Variants in GFI1B observed in about 807,000 individuals in gnomAD.
The protein encoded by GFI1B is growth factor independent 1B transcriptional repressor.
A neutral mutation model predicts 35.3 loss-of-function variants in GFI1B; 20 were observed. The ratio of observed to expected loss-of-function variants is 0.57; its 90% confidence interval spans 0.40 to 0.82. The LOEUF (loss-of-function observed/expected upper bound fraction) is 0.82, where lower values mean the gene tolerates loss of function less well. Ranked by LOEUF, GFI1B falls within the 40% of genes least tolerant of loss-of-function variation. The pLI is 0.00. For synonymous variants in GFI1B, 178 were observed against 177.6 expected (o/e 1.00, Z -0.02); for missense variants, 430 against 446.3 (o/e 0.96, Z 0.33).
intron 1 of GFI1B, chr9:132,952,633 C>T (rs1848217666): frequency 1.3e-5 from 2 of 152,188 alleles, no homozygotes; most frequent in Admixed American, 6.6e-5. Flanking sequence ...TTAGAACTCT[C>T]CTCATTTGTC....
At chr9:132,949,359 C>A (rs866215219) in intron 1 of GFI1B, among the ~76,000 whole-genome samples, 93 of 150,854 alleles carry the variant, frequency 6.2e-4, no homozygotes, top group Admixed American at 1.6e-3. Flanking sequence ...ACACACACAC[C>A]CCCAACCCCC....
chr9:132,976,619 A>T (rs1239240889), upstream of GFI1B: 1 of 152,132 alleles, frequency 6.6e-6, no homozygotes, highest in East Asian at 1.9e-4. Flanking sequence ...TATCTCTTCG[A>T]TTCTGCTTCC....
chr9:132,973,537 C>T (rs1848570837), intron 2 of GFI1B, among the ~76,000 whole-genome samples: 1 of 152,196 alleles, frequency 6.6e-6, no homozygotes, highest in Non-Finnish European at 1.5e-5. Flanking sequence ...CCGAGCAAGA[C>T]AGGAATCCAA....
intron 1 of GFI1B, among the ~76,000 whole-genome samples, chr9:132,971,864 C>T (rs1848536648): frequency 6.6e-6 from 1 of 151,288 alleles, no homozygotes; most frequent in Non-Finnish European, 1.5e-5. Flanking sequence ...ATCCCAGCTA[C>T]TAGGGAGGCG....
At position 132,990,624 on chromosome 9, in the gene GFI1B, T is replaced by C. The variant is rs149372363; in HGVS notation, c.815-248T>C. On this transcript the variant is annotated intron_variant, in intron 6 of 6. Transcript: ENST00000372122. ...CAGGTATACCAGGCTTGGAGATGTA[T>C]TGATAAACAAGATGACTCGGCAGCT... Among the ~76,000 whole-genome samples the C allele has an allele frequency of 4.5e-3, 681 of 152,370 alleles. 1 individual carries two copies. Among genetic ancestry groups the C allele is most frequent in the African/African-American group, 0.014 (574 of 41,584 alleles).
chr9:132,976,549 G>C (rs1423683269), upstream of GFI1B: 1 of 152,226 alleles, frequency 6.6e-6, no homozygotes, highest in Non-Finnish European at 1.5e-5. Context: ...GATCGCTTGA[G>C]GCCAGGAGTT....
chr9:132,984,438 G>A (rs376125551), intron 1 of GFI1B, among the ~76,000 whole-genome samples: 8 of 152,184 alleles, frequency 5.3e-5, no homozygotes, highest in Admixed American at 1.3e-4. Flanking sequence ...ATCTGACCGC[G>A]GGAAGGGACC....
chr9:132,955,930 A>G (rs1358337200), intron 1 of GFI1B, among the ~76,000 whole-genome samples: 1 of 152,100 alleles, frequency 6.6e-6, no homozygotes, highest in Non-Finnish European at 1.5e-5. Context: ...CCACTGTTGC[A>G]GTCCAAGTCC....
chr9:132,989,345 T>C lies in GFI1B; in HGVS notation c.648+147T>C. ...GTCCCCTAGTACCCACCTCCCTGGG[T>C]CTGGGTCTCCAACACCTGCCCTTAA... On this transcript the variant is annotated intron_variant, in intron 5 of 6. Transcript: ENST00000372122. This position sits in a 1 kb window ranked among gnomAD's most constrained non-coding sequence, Gnocchi z 6.2. 1 of 767,940 alleles carries C rather than the reference T, an allele frequency of 1.3e-6. No individual in the cohort carries two copies. Among genetic ancestry groups the C allele is most frequent in the Non-Finnish European group, 2.2e-6 (1 of 448,900 alleles). The allele number at this position is 767,940 out of a possible 1,614,324, so 47.6% of individuals were successfully genotyped here. A position where few individuals can be genotyped will look rare whatever the true frequency, so the allele number is the denominator to read the frequency against.
chr9:132,986,892 C>T lies in GFI1B; in HGVS notation c.100+114C>T, dbSNP rs780225648. 7.1e-6 allele frequency: 5 copies of T among 701,918 alleles called. No individual in the cohort carries two copies. The South Asian group carries it at 7.7e-5, about 11-fold the overall frequency. The allele number at this position is 701,918 out of a possible 1,614,324, so 43.5% of individuals were successfully genotyped here. On this transcript the variant is annotated intron_variant, in intron 2 of 6. Transcript: ENST00000372122. ...CAGCCTCTTCTTCCAAGTCTGGAAA[C>T]AGGAGTGCAGTAACTGTGGGTTGCA...
In GFI1B at chr9:132,991,088, G is replaced by A. The variant is rs1161486498; in HGVS notation, c.*38G>A. The A allele has an allele frequency of 6.3e-7, 1 of 1,593,942 alleles. No homozygotes were observed. Among genetic ancestry groups the A allele is most frequent in the Non-Finnish European group, 8.6e-7 (1 of 1,167,444 alleles). ...TCCCAGCTCCTGGCCAGCCTGCCCT[G>A]CGGTCCTGTCACCTGGAGGCCAGCC... On this transcript the variant is annotated 3_prime_UTR_variant, in exon 7 of 7. Coordinates refer to ENST00000372122, the MANE Select transcript of GFI1B (RefSeq NM_001377304.1).
At chr9:132,960,361 G>A (rs1235846672) in intron 1 of GFI1B, among the ~76,000 whole-genome samples, 1 of 152,114 alleles carries the variant, frequency 6.6e-6, no homozygotes, top group African/African-American at 2.4e-5. Context: ...GAAGGACCCT[G>A]GGCTAAATAA....
intron 1 of GFI1B, among the ~76,000 whole-genome samples, chr9:132,959,319 G>A (rs767059265): frequency 5.3e-5 from 8 of 152,130 alleles, no homozygotes; most frequent in Admixed American, 6.5e-5. Context: ...CCTTCCTGCC[G>A]CCACTTGAAG....
At chr9:132,952,982 T>C (rs1848225376) in intron 1 of GFI1B, 1 of 152,258 alleles carries the variant, frequency 6.6e-6, no homozygotes. Context: ...TTTTTAAAAA[T>C]ACTTGTTGAT....
At chr9:132,968,179 A>G (rs1333032071) in intron 1 of GFI1B, among the ~76,000 whole-genome samples, 1 of 151,724 alleles carries the variant, frequency 6.6e-6, no homozygotes, top group African/African-American at 2.4e-5. Flanking sequence ...TGCACTGGTG[A>G]TCATAGCTCA....
chr9:132,984,826 G>A (rs555686026), intron 1 of GFI1B, among the ~76,000 whole-genome samples: 1 of 152,252 alleles, frequency 6.6e-6, no homozygotes, highest in Non-Finnish European at 1.5e-5. Flanking sequence ...TGGGCCAGGG[G>A]GAAGCAGGCC....
chr9:132,985,019 T>A (rs1848985990), intron 1 of GFI1B, among the ~76,000 whole-genome samples: 1 of 149,566 alleles, frequency 6.7e-6, no homozygotes. Flanking sequence ...CTCTCCCGCC[T>A]TCTCCGGACC....
chr9:132,946,189 T>G (rs538911704), intron 1 of GFI1B, among the ~76,000 whole-genome samples: 1 of 152,230 alleles, frequency 6.6e-6, no homozygotes, highest in South Asian at 2.1e-4. Flanking sequence ...AACTGATGAT[T>G]CCTCTGTTCT....
At chr9:132,951,625 C>T (rs1181591318) in intron 1 of GFI1B, 1 of 152,178 alleles carries the variant, frequency 6.6e-6, no homozygotes, top group Non-Finnish European at 1.5e-5. Context: ...CCGCTTCCAA[C>T]CCTTAGTCAC....
Sources: gnomAD v4.1 joint callset for allele counts (sites outside exome capture counted in the v4.1 genomes callset) on GRCh38, gnomAD v4.1.1 for gene constraint, Gnocchi (gnomAD v3.1) non-coding constraint, MANE v1.5 for transcripts, NCBI Gene and HGNC (gene_info 2026-07-23, HGNC 2026-07-21) for gene names.